Variants in GALNT1 observed in about 807,000 individuals in gnomAD.
The protein encoded by GALNT1 is GalNAc transferase 1.
GALNT1 carries 17 observed loss-of-function variants against 65.7 expected under a neutral mutation model. The observed-to-expected ratio is 0.26, with a 90% CI of 0.18 to 0.39. The LOEUF is 0.39. Among genes scored for constraint, GALNT1 ranks in the 10% least tolerant of loss-of-function variants. The probability of loss-of-function intolerance (pLI) is 1.00; values close to 1 mark genes in which losing one functional copy is unlikely to be tolerated. For missense variants in GALNT1, 460 were observed against 672.8 expected (o/e 0.68, Z 3.50); for synonymous variants, 210 against 219.7 (o/e 0.96, Z 0.39).
intron 1 of GALNT1, among the ~76,000 whole-genome samples, chr18:35,611,535 C>G (rs1356296949): frequency 1.3e-5 from 2 of 152,150 alleles, no homozygotes; most frequent in Non-Finnish European, 2.9e-5. Context: ...AGACAATTTG[C>G]TCTCTTTATA....
intron 9 of GALNT1, among the ~76,000 whole-genome samples, chr18:35,697,792 C>T (rs1358671643): frequency 6.6e-6 from 1 of 152,190 alleles, no homozygotes; most frequent in Non-Finnish European, 1.5e-5. Flanking sequence ...CTAACAGCTC[C>T]TCACCCTTTA....
intron 1 of GALNT1, among the ~76,000 whole-genome samples, chr18:35,631,773 G>A (rs1411633995): frequency 6.6e-6 from 1 of 152,174 alleles, no homozygotes; most frequent in Non-Finnish European, 1.5e-5. Context: ...AATTGTCCCT[G>A]TTTGCAGATG....
At chr18:35,593,653 A>G (rs2046471220) in intron 1 of GALNT1, among the ~76,000 whole-genome samples, 1 of 151,998 alleles carries the variant, frequency 6.6e-6, no homozygotes, top group South Asian at 2.1e-4. Context: ...CTCTTTGGGT[A>G]TGCTCAGTCA....
At chr18:35,660,868 A>G (rs1386182500) in intron 2 of GALNT1, among the ~76,000 whole-genome samples, 1 of 152,204 alleles carries the variant, frequency 6.6e-6, no homozygotes, top group Non-Finnish European at 1.5e-5. Context: ...GTAGACATGT[A>G]ACTTTTGATT....
At chr18:35,669,408 A>AT (rs1295340417) in intron 3 of GALNT1, among the ~76,000 whole-genome samples, 1 of 152,254 alleles carries the variant, frequency 6.6e-6, no homozygotes, top group African/African-American at 2.4e-5. Flanking sequence ...CAACAAAGAA[A>AT]TATTACAGAC....
At chr18:35,672,137 AG>A (rs1276898642) in intron 3 of GALNT1, among the ~76,000 whole-genome samples, 1 of 152,182 alleles carries the variant, frequency 6.6e-6, no homozygotes, top group Non-Finnish European at 1.5e-5. Context: ...CTTATCTCTA[AG>A]ATAAAGAGAA....
chr18:35,643,265 C>G (rs2047188242), intron 1 of GALNT1, among the ~76,000 whole-genome samples: 1 of 152,114 alleles, frequency 6.6e-6, no homozygotes, highest in Admixed American at 6.5e-5. Flanking sequence ...TTGCCTAAGA[C>G]ATGGCACTGA....
At chr18:35,680,230 A>G (rs573919013) in intron 4 of GALNT1, among the ~76,000 whole-genome samples, 88 of 152,208 alleles carry the variant, frequency 5.8e-4, no homozygotes, top group Non-Finnish European at 9.7e-4. Flanking sequence ...ATTGTTCTCT[A>G]GGGAACATTT....
chr18:35,686,102 A>G (rs1004076879), intron 5 of GALNT1, among the ~76,000 whole-genome samples: 2 of 152,198 alleles, frequency 1.3e-5, no homozygotes, highest in African/African-American at 4.8e-5. Context: ...TTTCACACCA[A>G]CAAGGAATAC....
intron 2 of GALNT1, among the ~76,000 whole-genome samples, chr18:35,659,603 A>C (rs2047447207): frequency 6.6e-6 from 1 of 152,166 alleles, no homozygotes; most frequent in African/African-American, 2.4e-5. Context: ...TAGAGTGTTC[A>C]GTATTTTTAA....
chr18:35,683,673 A>AT, intron 5 of GALNT1, 75 bp downstream of exon 5: 1 of 1,115,866 alleles, frequency 9.0e-7, no homozygotes, highest in Non-Finnish European at 1.3e-6. Flanking sequence ...CAAATTCTAT[A>AT]TTTTTTAAAT....
chr18:35,686,787 G>A (rs528460833), intron 5 of GALNT1, among the ~76,000 whole-genome samples: 8 of 152,206 alleles, frequency 5.3e-5, no homozygotes, highest in South Asian at 2.1e-4. Context: ...GATCCCAGCC[G>A]TGGTCCCAGC....
chr18:35,706,548 A>G (rs2085812229), intron 11 of GALNT1, among the ~76,000 whole-genome samples: 1 of 152,164 alleles, frequency 6.6e-6, no homozygotes, highest in Admixed American at 6.5e-5. Context: ...TATGAGTGTG[A>G]AGTTTTAAAA....
At chr18:35,682,654 T>C (rs2144603828) in intron 4 of GALNT1, among the ~76,000 whole-genome samples, 1 of 152,222 alleles carries the variant, frequency 6.6e-6, no homozygotes, top group East Asian at 1.9e-4. Context: ...GTTTATCTTA[T>C]CCTATATGCT....
chr18:35,657,777 T>G (rs2047413621), intron 2 of GALNT1, among the ~76,000 whole-genome samples: 1 of 152,200 alleles, frequency 6.6e-6, no homozygotes, highest in Admixed American at 6.5e-5. Context: ...CTGGATTCAA[T>G]ATACTGGAGA....
chr18:35,673,461 T>C (rs1269683706), intron 3 of GALNT1, among the ~76,000 whole-genome samples: 1 of 152,198 alleles, frequency 6.6e-6, no homozygotes, highest in East Asian at 1.9e-4. Flanking sequence ...TCCTCATCTG[T>C]AAAATTTGGA....
intron 6 of GALNT1, among the ~76,000 whole-genome samples, chr18:35,687,962 C>T (rs961540579): frequency 6.6e-6 from 1 of 152,172 alleles, no homozygotes; most frequent in African/African-American, 2.4e-5. Flanking sequence ...AGAGATTTTC[C>T]ACTGACTGTG....
At chr18:35,682,784 T>C (rs761563656) in intron 4 of GALNT1, among the ~76,000 whole-genome samples, 1 of 151,970 alleles carries the variant, frequency 6.6e-6, no homozygotes, top group Non-Finnish European at 1.5e-5. Flanking sequence ...CTTCTTCAAT[T>C]GCCCTTTCCT....
chr18:35,675,644 A>G (rs746261263), intron 3 of GALNT1, among the ~76,000 whole-genome samples: 6 of 152,248 alleles, frequency 3.9e-5, no homozygotes, highest in Non-Finnish European at 7.3e-5. Flanking sequence ...CATGGCTAAC[A>G]GTACCATTTG....
Sources: allele counts gnomAD v4.1 joint callset (sites outside exome capture counted in the v4.1 genomes callset), GRCh38; gene constraint gnomAD v4.1.1; transcripts MANE v1.5; gene names NCBI Gene and HGNC (gene_info 2026-07-23, HGNC 2026-07-21).